Variants in KLHL22 observed in about 807,000 individuals in gnomAD.
The protein encoded by KLHL22 is kelch like family member 22.
A neutral mutation model predicts 60.7 loss-of-function variants in KLHL22; 18 were observed. The ratio of observed to expected loss-of-function variants is 0.30; its 90% CI spans 0.20 to 0.44. The LOEUF is 0.44. Among genes scored for constraint, KLHL22 ranks in the 20% least tolerant of loss-of-function variants. The pLI, the probability that KLHL22 is intolerant of heterozygous loss-of-function variation, is 1.00. For synonymous variants in KLHL22, 355 were observed against 354.5 expected (o/e 1.00, Z -0.01); for missense variants, 596 against 852.3 (o/e 0.70, Z 3.74).
In KLHL22 at chr22:20,464,966, A is replaced by G. The variant is rs1219897466; in HGVS notation, c.1004T>C (p.Leu335Pro). The change falls in exon 4 of 7, where the codon CTG becomes CCG. Residue 335 changes from leucine to proline, a missense_variant. Physicochemically the swap from Leu to Pro is moderately conservative, Grantham distance 98. Transcript: ENST00000328879. ...GCCCTGGTTGGACATGCGGGGGGCC[A>G]GGGAGGCAGTGAAGTGCTTCCACTC... ...LGEWKHFTASLAPRMSNQGIA... is the reference protein window; with the variant it reads ...LGEWKHFTASPAPRMSNQGIA... 6.2e-7 allele frequency: 1 copy of G among 1,609,796 alleles called. No homozygotes were observed. Among genetic ancestry groups the G allele is most frequent in the Non-Finnish European group, 8.5e-7 (1 of 1,177,806 alleles).
intron 6 of KLHL22, among the ~76,000 whole-genome samples, chr22:20,443,123 G>A (rs741436): frequency 0.025 from 3,824 of 152,332 alleles, 167 homozygotes; most frequent in African/African-American, 0.087. Context: ...TGTTGAGGGT[G>A]TGGTAAAGCC....
intron 3 of KLHL22, among the ~76,000 whole-genome samples, chr22:20,467,787 T>G (rs2053258159): frequency 2.6e-5 from 4 of 152,240 alleles, no homozygotes; most frequent in African/African-American, 9.6e-5. Flanking sequence ...GCCTCCCAAG[T>G]AGCTGGGACA....
chr22:20,483,123 C>A, intron 2 of KLHL22: 1 of 637,024 alleles, frequency 1.6e-6, no homozygotes. Flanking sequence ...GCATAGAAGG[C>A]CTCCACCTCC....
In KLHL22 at chr22:20,451,906, C is replaced by G. The variant is rs1410293891; in HGVS notation, c.1306-5230G>C. ...GAATCAAGAATCCTTTCTAGAATGT[C>G]TGTTTCTCACTATGTGCACAGGGTG... On this transcript the variant is annotated intron_variant, in intron 5 of 6. Coordinates refer to ENST00000328879, the MANE Select transcript of KLHL22 (RefSeq NM_032775.4). The G allele has an allele frequency of 2.4e-6, 3 of 1,242,700 alleles. No homozygotes were observed. In the East Asian group the frequency reaches 7.0e-5, roughly 29 times the overall value. The allele number at this position is 1,242,700 out of a possible 1,614,324, so 77.0% of individuals were successfully genotyped here. A position where few individuals can be genotyped will look rare whatever the true frequency, so the allele number is the denominator to read the frequency against.
At chr22:20,443,734 T>TCAAA (rs932297199) in intron 6 of KLHL22, among the ~76,000 whole-genome samples, 1 of 138,860 alleles carries the variant, frequency 7.2e-6, no homozygotes, top group Non-Finnish European at 1.5e-5. Flanking sequence ...AGACTCTGTC[T>TCAAA]CAAACAAACA....
chr22:20,450,237 G>A (rs1483727474), intron 5 of KLHL22: 3 of 850,844 alleles, frequency 3.5e-6, no homozygotes, highest in Admixed American at 3.4e-5. Flanking sequence ...ACATTGAGTA[G>A]AGCAGAAAGA....
intron 5 of KLHL22, among the ~76,000 whole-genome samples, chr22:20,452,140 G>A (rs1398612080): frequency 6.6e-6 from 1 of 151,760 alleles, no homozygotes; most frequent in Admixed American, 6.6e-5. Context: ...TGTACTATAT[G>A]TATGTTGTGC....
chr22:20,445,310 G>A (rs773458495), intron 6 of KLHL22, among the ~76,000 whole-genome samples: 1 of 150,408 alleles, frequency 6.6e-6, no homozygotes, highest in Non-Finnish European at 1.5e-5. Context: ...GGGTTCCAGC[G>A]ATTCTCCTGC....
chr22:20,495,599 C>A lies in KLHL22; in HGVS notation c.-34+161G>T, dbSNP rs1436463380. 2.7e-5 allele frequency among the ~76,000 whole-genome samples: 4 copies of A among 150,386 alleles called. No individual in the cohort carries two copies. The highest frequency in any genetic ancestry group is 5.9e-5 in the Non-Finnish European group (4 of 67,392). On this transcript the variant is annotated intron_variant, in intron 1 of 6. Coordinates refer to ENST00000328879, the MANE Select transcript of KLHL22 (RefSeq NM_032775.4). The surrounding 1 kb of genome is among the most constrained non-coding windows in gnomAD (Gnocchi z 4.6). ...CGTCCCCGCCACGTCAGGCCGCGGG[C>A]TCTCCTCAGGTCGCCGCCCCCGAGC...
intron 2 of KLHL22, among the ~76,000 whole-genome samples, chr22:20,472,833 C>G (rs2053349855): frequency 6.6e-6 from 1 of 152,128 alleles, no homozygotes; most frequent in African/African-American, 2.4e-5. Flanking sequence ...TGAGAAGGAG[C>G]AGGGAAAGCC....
At chr22:20,443,312 G>A (rs1328224636) in intron 6 of KLHL22, among the ~76,000 whole-genome samples, 1 of 151,738 alleles carries the variant, frequency 6.6e-6, no homozygotes, top group South Asian at 2.1e-4. Flanking sequence ...ACCTTAAGCA[G>A]CCAAAGGGGC....
At chr22:20,458,137 T>C in intron 4 of KLHL22, 137 bp from the exon 5 acceptor site, 1 of 841,882 alleles carries the variant, frequency 1.2e-6, no homozygotes, top group Non-Finnish European at 1.8e-6. Context: ...CACATACCAG[T>C]GCACACCGAT....
chr22:20,469,217 A>G (rs1021588732), intron 3 of KLHL22, among the ~76,000 whole-genome samples: 3 of 152,174 alleles, frequency 2.0e-5, no homozygotes, highest in African/African-American at 7.2e-5. Context: ...AGGAAATGGA[A>G]ACACAGAACA....
chr22:20,493,301 A>T (rs2053719609), intron 1 of KLHL22: 2 of 465,676 alleles, frequency 4.3e-6, no homozygotes, highest in Admixed American at 2.4e-5. Flanking sequence ...TAAGAAACTT[A>T]GCTAGGGGCT....
chr22:20,450,713 C>T, intron 5 of KLHL22: 2 of 1,396,876 alleles, frequency 1.4e-6, no homozygotes, highest in Non-Finnish European at 2.0e-6. Flanking sequence ...GTCTTTGAGG[C>T]TGTCATCAGT....
Position 20,442,427 on chromosome 22 carries a change from G to A in KLHL22, c.1551C>T (p.Tyr517=), listed in dbSNP as rs748765625. The change falls in exon 7 of 7, where the codon TAC becomes TAT. Residue 517 remains tyrosine, a synonymous_variant. Transcript: ENST00000328879. ...ATGACCACTGTCCAGACGTGCAGCTGTAGCAGGCCACCTGCAAAGCCAAGG... is the reference window on the plus strand; with the variant it reads ...ATGACCACTGTCCAGACGTGCAGCTATAGCAGGCCACCTGCAAAGCCAAGG... ...YRRDVHQVAC[Y]SCTSGQWSSV... 8.2e-6 allele frequency: 13 copies of A among 1,591,408 alleles called. No individual in the cohort carries two copies. The highest frequency in any genetic ancestry group is 5.2e-5 in the Admixed American group (3 of 57,984).
chr22:20,442,319 T>C lies in KLHL22; in HGVS notation c.1659A>G (p.Ser553=), dbSNP rs1261631038. 1 of 1,613,936 alleles carries C rather than the reference T, an allele frequency of 6.2e-7. No homozygotes were observed. Among genetic ancestry groups the C allele is most frequent in the Non-Finnish European group, 8.5e-7 (1 of 1,180,010 alleles). Residue 553 remains serine (S), a synonymous_variant, in exon 7 of 7, where the codon TCA becomes TCG. Coordinates refer to ENST00000328879, the MANE Select transcript of KLHL22 (RefSeq NM_032775.4). Reference sequence around the variant, plus strand: ...AGCCTGTGCGGCTGCCGCGGTTGTGTGAGCGGCCACCTAACACATAGATCC... The same window carrying C: ...AGCCTGTGCGGCTGCCGCGGTTGTGCGAGCGGCCACCTAACACATAGATCC... ...DNRIYVLGGR[S]HNRGSRTGYV...
chr22:20,468,207 A>C (rs2053263542), intron 3 of KLHL22, among the ~76,000 whole-genome samples: 1 of 152,164 alleles, frequency 6.6e-6, no homozygotes. Flanking sequence ...AGGTTTTCCT[A>C]AAATTCTGGT....
chr22:20,483,566 C>T (rs1306772324), intron 2 of KLHL22: 18 of 725,058 alleles, frequency 2.5e-5, no homozygotes, highest in Middle Eastern at 3.9e-4. Context: ...CCATGTATGT[C>T]GCTCTCCACA....
Sources: allele counts gnomAD v4.1 joint callset (sites outside exome capture counted in the v4.1 genomes callset), GRCh38; gene constraint gnomAD v4.1.1; non-coding constraint Gnocchi (gnomAD v3.1); transcripts MANE v1.5; gene names NCBI Gene and HGNC (gene_info 2026-07-23, HGNC 2026-07-21).